ARID5B: variants seen among roughly 807,000 people sequenced by gnomAD.
The protein encoded by ARID5B is AT-rich interaction domain 5B.
A neutral mutation model predicts 97.2 loss-of-function variants in ARID5B; 13 were observed. The observed-to-expected ratio is 0.13, with a 90% CI of 0.09 to 0.21. The LOEUF is 0.21. Ranked by LOEUF, ARID5B falls within the 10% of genes least tolerant of loss-of-function variation. The pLI, the probability that ARID5B is intolerant of heterozygous loss-of-function variation, is 1.00. For missense variants in ARID5B, 1,210 were observed against 1,465.3 expected, an observed-to-expected ratio of 0.83 and a Z score of 2.84; for synonymous variants, 556 against 570.3, an observed-to-expected ratio of 0.97 and a Z score of 0.36.
At chr10:62,056,401 G>T (rs1017370637) in intron 5 of ARID5B, among the ~76,000 whole-genome samples, 2 of 152,082 alleles carry the variant, frequency 1.3e-5, no homozygotes, top group East Asian at 1.9e-4. Context: ...CCTACTGAGG[G>T]TGTACCCCCG....
chr10:62,091,265 C>A lies in ARID5B; in HGVS notation c.1802C>A (p.Thr601Lys). The A allele has an allele frequency of 6.2e-7, 1 of 1,614,218 alleles. No homozygotes were observed. Among genetic ancestry groups the A allele is most frequent in the Non-Finnish European group, 8.5e-7 (1 of 1,180,030 alleles). The change falls in exon 10 of 10, where the codon ACA (threonine) becomes AAA (lysine). Residue 601 changes from threonine to lysine, a missense_variant. Transcript: ENST00000279873. ...GCATCCTTCCCCAGCTTCCCCACCA[C>A]ACAGCCACCGCTGGCAAACCAGAAT... Reference protein sequence around the residue: ...QEASFPSFPTTQPPLANQNET... With the variant: ...QEASFPSFPTKQPPLANQNET...
intron 9 of ARID5B, among the ~76,000 whole-genome samples, chr10:62,086,734 G>T (rs191580424): frequency 1.6e-4 from 23 of 147,314 alleles, no homozygotes; most frequent in African/African-American, 5.4e-4. Flanking sequence ...GTGGTGCCCC[G>T]CTGTGGTCCC....
At chr10:61,904,431 A>G (rs1843673859) in intron 2 of ARID5B, among the ~76,000 whole-genome samples, 1 of 152,176 alleles carries the variant, frequency 6.6e-6, no homozygotes, top group African/African-American at 2.4e-5. Context: ...AGAAGTGTTG[A>G]CAGTGAATAG....
chr10:61,970,537 A>G (rs374180588), intron 3 of ARID5B, among the ~76,000 whole-genome samples: 90 of 152,360 alleles, frequency 5.9e-4, no homozygotes, highest in Middle Eastern at 3.4e-3. Context: ...TTTACATTGA[A>G]GGAAAAATGG....
At chr10:62,028,767 C>T (rs1487858657) in intron 4 of ARID5B, among the ~76,000 whole-genome samples, 1 of 152,048 alleles carries the variant, frequency 6.6e-6, no homozygotes, top group Non-Finnish European at 1.5e-5. Flanking sequence ...TTGAGACCAG[C>T]CTGGCCAACA....
chr10:61,990,738 T>C (rs1838912572), intron 3 of ARID5B, among the ~76,000 whole-genome samples: 1 of 152,200 alleles, frequency 6.6e-6, no homozygotes, highest in Non-Finnish European at 1.5e-5. Context: ...CTCTTTGTCA[T>C]TGTTGTGTAA....
intron 3 of ARID5B, among the ~76,000 whole-genome samples, chr10:61,954,209 T>C (rs369787960): frequency 9.3e-5 from 14 of 151,110 alleles, no homozygotes; most frequent in South Asian, 4.2e-4. Flanking sequence ...AATACAAAAT[T>C]AGCCAGGCAT....
rs576598026 is a variant in ARID5B at position 61,950,660 on chromosome 10, C to T, written c.502+10252C>T. Among the ~76,000 whole-genome samples the T allele has an allele frequency of 5.3e-5, 8 of 152,330 alleles. No homozygotes were observed. In the East Asian group the frequency reaches 1.5e-3, roughly 29 times the overall value. ...ACTCCAGCCTGGGCAACCCACACTG[C>T]ATTCCAGCCTGGCCAACACAGTGAG... is the stretch of plus-strand genomic sequence containing the variant. On this transcript the variant is annotated intron_variant, in intron 3 of 9. Coordinates refer to ENST00000279873, the MANE Select transcript of ARID5B (RefSeq NM_032199.3).
At chr10:62,052,149 A>G (rs1301105773) in intron 5 of ARID5B, among the ~76,000 whole-genome samples, 1 of 152,218 alleles carries the variant, frequency 6.6e-6, no homozygotes, top group African/African-American at 2.4e-5. Context: ...ACCAGTAGAA[A>G]TGTGTATTTT....
chr10:62,092,795 T>C lies in ARID5B; in HGVS notation c.3332T>C (p.Val1111Ala). ...CTGCAGTACTTGAAAAACCAGACTGTGCTTTCTCCACTCATGCAGCCCCTG... is the reference window on the plus strand; with the variant it reads ...CTGCAGTACTTGAAAAACCAGACTGCGCTTTCTCCACTCATGCAGCCCCTG... ...HSLQYLKNQT[V>A]LSPLMQPLAF... Residue 1111 changes from valine to alanine, a missense_variant, in exon 10 of 10, where the codon GTG becomes GCG. By Grantham distance (64) the Val-to-Ala change is moderately conservative. Around this residue, in one of 8 missense-constraint regions of ARID5B, gnomAD observed 800 missense variants for 839.1 expected, o/e 0.95. Coordinates refer to ENST00000279873, the MANE Select transcript of ARID5B (RefSeq NM_032199.3). 1.9e-6 allele frequency: 3 copies of C among 1,614,192 alleles called. No homozygotes were observed. Among genetic ancestry groups the C allele is most frequent in the Non-Finnish European group, 2.5e-6 (3 of 1,180,024 alleles).
intron 3 of ARID5B, among the ~76,000 whole-genome samples, chr10:61,989,426 T>C (rs1243037561): frequency 6.6e-6 from 1 of 152,234 alleles, no homozygotes. Context: ...TGTATTCCTT[T>C]GCCCAGTTTT....
chr10:62,093,545 ACT>A lies in ARID5B; in HGVS notation c.*516_*517del. ...TATTAAACAATCCAGAGAAGTAAACACTGTTAAATTGACTGTATATATTTGCT... is the reference window on the plus strand; with the variant it reads ...TATTAAACAATCCAGAGAAGTAAACAGTTAAATTGACTGTATATATTTGCT... On this transcript the variant is annotated 3_prime_UTR_variant, in exon 10 of 10. Coordinates refer to ENST00000279873, the MANE Select transcript of ARID5B (RefSeq NM_032199.3). 1 of 234,088 alleles carries A rather than the reference ACT, an allele frequency of 4.3e-6. No homozygotes were observed. Among genetic ancestry groups the A allele is most frequent in the Non-Finnish European group, 8.4e-6 (1 of 118,678 alleles). 14.5% of individuals were successfully genotyped at this position (234,088 alleles called of 1,614,324 possible).
chr10:62,068,588 A>T (rs1289158255), intron 7 of ARID5B, among the ~76,000 whole-genome samples: 1 of 151,146 alleles, frequency 6.6e-6, no homozygotes, highest in Non-Finnish European at 1.5e-5. Context: ...CTCCGCTGGC[A>T]GCCTCGTGGG....
chr10:62,044,771 A>G (rs1173789892), intron 4 of ARID5B, among the ~76,000 whole-genome samples: 2 of 152,218 alleles, frequency 1.3e-5, no homozygotes, highest in African/African-American at 4.8e-5. Context: ...TTCCATATCT[A>G]TTGTTCAAAA....
intron 3 of ARID5B, among the ~76,000 whole-genome samples, chr10:61,997,778 T>C (rs1331428846): frequency 6.6e-6 from 1 of 152,142 alleles, no homozygotes; most frequent in African/African-American, 2.4e-5. Flanking sequence ...AATTGACACA[T>C]TGGGGGCTGC....
At chr10:61,968,476 C>A (rs992233928) in intron 3 of ARID5B, among the ~76,000 whole-genome samples, 2 of 144,128 alleles carry the variant, frequency 1.4e-5, no homozygotes, top group African/African-American at 5.9e-5. Flanking sequence ...TACTTAGGTT[C>A]TTCCAACCCT....
At chr10:61,906,743 C>T (rs1843714497) in intron 2 of ARID5B, among the ~76,000 whole-genome samples, 1 of 152,176 alleles carries the variant, frequency 6.6e-6, no homozygotes, top group African/African-American at 2.4e-5. Context: ...TTGAAGTCTC[C>T]TCAAATAGAA....
At chr10:61,993,723 A>G (rs9415635) in intron 3 of ARID5B, among the ~76,000 whole-genome samples, 48,226 of 152,078 alleles carry the variant, frequency 0.32, 7,981 homozygotes, top group South Asian at 0.49. Flanking sequence ...TTAAATGGAA[A>G]CTTCAATATA....
chr10:62,070,273 CT>C (rs1157348551), intron 8 of ARID5B, among the ~76,000 whole-genome samples: 1 of 152,160 alleles, frequency 6.6e-6, no homozygotes, highest in African/African-American at 2.4e-5. Context: ...TCTACGGAAT[CT>C]TCTTACCAAG....
Sources: allele counts gnomAD v4.1 joint callset (sites outside exome capture counted in the v4.1 genomes callset), GRCh38; gene constraint gnomAD v4.1.1; regional missense constraint gnomAD v4.1.1; transcripts MANE v1.5; gene names NCBI Gene and HGNC (gene_info 2026-07-23, HGNC 2026-07-21).